SNTG1: variants seen among roughly 807,000 people sequenced by gnomAD.
The protein encoded by SNTG1 is syntrophin gamma 1, also known as gamma-1-syntrophin.
A neutral mutation model predicts 74.7 loss-of-function variants in SNTG1; 39 were observed. The observed-to-expected ratio is 0.52, with a 90% CI of 0.40 to 0.68. SNTG1 has a LOEUF of 0.68. Among genes scored for constraint, SNTG1 ranks in the 30% least tolerant of loss-of-function variants. The pLI, the probability that SNTG1 is intolerant of heterozygous loss-of-function variation, is 0.00. For missense variants in SNTG1, 685 were observed against 609.5 expected, an observed-to-expected ratio of 1.12 and a Z score of -1.30; for synonymous variants, 254 against 217.1, an observed-to-expected ratio of 1.17 and a Z score of -1.49.
intron 2 of SNTG1, among the ~76,000 whole-genome samples, chr8:50,175,240 G>T (rs974181754): frequency 4.6e-5 from 7 of 152,132 alleles, no homozygotes; most frequent in Admixed American, 6.5e-5. Flanking sequence ...TAATGGGATG[G>T]CTGGGTCAAA....
At chr8:50,706,591 T>G (rs868813160) in intron 16 of SNTG1, among the ~76,000 whole-genome samples, 9 of 152,244 alleles carry the variant, frequency 5.9e-5, no homozygotes, top group South Asian at 2.1e-4. Flanking sequence ...GTGAAATACA[T>G]TGGCCTATTT....
chr8:50,664,758 A>G (rs934142894), intron 15 of SNTG1, among the ~76,000 whole-genome samples: 2 of 152,122 alleles, frequency 1.3e-5, no homozygotes, highest in African/African-American at 4.8e-5. Context: ...GGAAGATCGG[A>G]CGTAACTGCA....
At chr8:50,648,658 T>C (rs1457553741) in intron 13 of SNTG1, among the ~76,000 whole-genome samples, 2 of 152,126 alleles carry the variant, frequency 1.3e-5, no homozygotes. Flanking sequence ...TAATACACAT[T>C]GTATGACATT....
chr8:49,981,519 G>A (rs1812678546), intron 1 of SNTG1, among the ~76,000 whole-genome samples: 1 of 152,110 alleles, frequency 6.6e-6, no homozygotes, highest in Non-Finnish European at 1.5e-5. Context: ...GATTAGAGTA[G>A]GGCAAAAAGA....
chr8:49,949,865 C>A, intron 1 of SNTG1, among the ~76,000 whole-genome samples: 1 of 152,190 alleles, frequency 6.6e-6, no homozygotes, highest in Non-Finnish European at 1.5e-5. Flanking sequence ...CTTGGCCAGG[C>A]GCAGTGGCCC....
At chr8:50,561,756 C>T (rs2094489756) in intron 12 of SNTG1, among the ~76,000 whole-genome samples, 1 of 152,138 alleles carries the variant, frequency 6.6e-6, no homozygotes, top group Non-Finnish European at 1.5e-5. Flanking sequence ...AAAATTCATG[C>T]TCAGCCTTTA....
At chr8:50,172,265 A>C (rs2082833299) in intron 1 of SNTG1, among the ~76,000 whole-genome samples, 1 of 152,232 alleles carries the variant, frequency 6.6e-6, no homozygotes, top group South Asian at 2.1e-4. Flanking sequence ...CTGGCAAATG[A>C]AATATCCTCT....
chr8:50,787,582 A>G (rs139319512), intron 18 of SNTG1, among the ~76,000 whole-genome samples: 3 of 152,016 alleles, frequency 2.0e-5, no homozygotes, highest in African/African-American at 7.2e-5. Context: ...TTCACAAAAA[A>G]TCAAAAGTAG....
intron 13 of SNTG1, among the ~76,000 whole-genome samples, chr8:50,631,597 T>C (rs981166726): frequency 4.6e-5 from 7 of 152,210 alleles, no homozygotes; most frequent in African/African-American, 1.7e-4. Context: ...GAAGGATAAG[T>C]AAAGAGAAGC....
intron 2 of SNTG1, among the ~76,000 whole-genome samples, chr8:50,255,117 T>C (rs2086823400): frequency 6.6e-6 from 1 of 152,062 alleles, no homozygotes; most frequent in East Asian, 1.9e-4. Flanking sequence ...ATTGACCTTT[T>C]TAAATATGAG....
At chr8:50,547,113 A>G (rs373685612) in intron 11 of SNTG1, among the ~76,000 whole-genome samples, 23 of 152,102 alleles carry the variant, frequency 1.5e-4, no homozygotes, top group African/African-American at 5.3e-4. Context: ...AAAAGTGCTC[A>G]TAAACAGAAA....
At chr8:50,632,296 T>TTTATTC (rs2095005138) in intron 13 of SNTG1, among the ~76,000 whole-genome samples, 1 of 104,036 alleles carries the variant, frequency 9.6e-6, no homozygotes, top group African/African-American at 1.0e-4. Context: ...TTTATTTATT[T>TTTATTC]ATTTATTTAT....
At chr8:50,206,062 G>A (rs1485363891) in intron 2 of SNTG1, among the ~76,000 whole-genome samples, 7 of 152,058 alleles carry the variant, frequency 4.6e-5, no homozygotes, top group African/African-American at 1.7e-4. Context: ...CTCTTTTTTG[G>A]TTCCATATGA....
At chr8:50,425,901 T>A (rs898437107) in intron 4 of SNTG1, among the ~76,000 whole-genome samples, 1 of 152,188 alleles carries the variant, frequency 6.6e-6, no homozygotes, top group Non-Finnish European at 1.5e-5. Context: ...AAATCCCAGT[T>A]GTTTTATATT....
intron 16 of SNTG1, among the ~76,000 whole-genome samples, chr8:50,705,115 G>A (rs572597323): frequency 2.0e-5 from 3 of 152,068 alleles, no homozygotes; most frequent in Non-Finnish European, 4.4e-5. Context: ...GCCTGTTGGC[G>A]TCATTTACTC....
chr8:50,328,822 A>C (rs1170738243), intron 2 of SNTG1, among the ~76,000 whole-genome samples: 1 of 152,202 alleles, frequency 6.6e-6, no homozygotes, highest in East Asian at 1.9e-4. Flanking sequence ...CAACAGTCCC[A>C]AAAAGTCTTA....
chr8:50,049,841 C>G (rs973138195), intron 1 of SNTG1, among the ~76,000 whole-genome samples: 5 of 152,040 alleles, frequency 3.3e-5, no homozygotes, highest in African/African-American at 1.2e-4. Flanking sequence ...GGTTAATCAA[C>G]TTTTCAATAA....
chr8:50,137,464 A>T (rs1353686234), intron 1 of SNTG1, among the ~76,000 whole-genome samples: 1 of 152,222 alleles, frequency 6.6e-6, no homozygotes, highest in African/African-American at 2.4e-5. Flanking sequence ...GGAACCTGGC[A>T]GCAAACAAAA....
intron 12 of SNTG1, among the ~76,000 whole-genome samples, chr8:50,580,568 CATGGGG>C (rs1012545032): frequency 4.5e-4 from 69 of 152,258 alleles, no homozygotes; most frequent in African/African-American, 1.6e-3. Flanking sequence ...GTAACTGAAT[CATGGGG>C]ATGGTTACCC....
Sources: allele counts gnomAD v4.1 joint callset (sites outside exome capture counted in the v4.1 genomes callset), GRCh38; gene constraint gnomAD v4.1.1; transcripts MANE v1.5; gene names NCBI Gene and HGNC (gene_info 2026-07-23, HGNC 2026-07-21).